The following ITFG2 variants were observed in gnomAD, a reference collection of about 807,000 sequenced individuals.
ITFG2 encodes integrin alpha FG-GAP repeat containing 2, also known as KICSTOR complex protein ITFG2.
In ITFG2, 36 loss-of-function variants were observed where a neutral mutation model predicts 54.4. The observed-to-expected ratio is 0.66, with a 90% CI of 0.51 to 0.87. The LOEUF is 0.87. Ranked by LOEUF, ITFG2 falls within the 40% of genes least tolerant of loss-of-function variation. The pLI is 0.00. For synonymous variants in ITFG2, 211 were observed against 225.4 expected (o/e 0.94, Z 0.57); for missense variants, 524 against 576.7 (o/e 0.91, Z 0.94).
At chr12:2,828,428 A>G (rs759539709), downstream of ITFG2, 4 of 1,607,406 alleles carry the variant, frequency 2.5e-6, no homozygotes, top group East Asian at 4.5e-5. Context: ...AGAAAGAAGA[A>G]TCGTGGTGAA....
intron 3 of ITFG2, chr12:2,859,164 C>T (rs1375493702): frequency 6.2e-7 from 1 of 1,607,514 alleles, no homozygotes; most frequent in Non-Finnish European, 8.5e-7. Context: ...CTGGGAGTAG[C>T]TGAGCTGGGA....
intron 2 of ITFG2, among the ~76,000 whole-genome samples, chr12:2,856,051 C>T (rs2098086291): frequency 6.6e-6 from 1 of 152,108 alleles, no homozygotes; most frequent in Non-Finnish European, 1.5e-5. Flanking sequence ...CCCTGCCCCC[C>T]ATTAAATAAA....
chr12:2,857,012 C>T (rs776798086), intron 2 of ITFG2: 1 of 702,840 alleles, frequency 1.4e-6, no homozygotes, highest in Non-Finnish European at 2.6e-6. Context: ...GTGATCTTTG[C>T]CGGTTACTGG....
intron 2 of ITFG2, chr12:2,830,811 C>T (rs2097997909): frequency 6.2e-7 from 1 of 1,613,766 alleles, no homozygotes; most frequent in Non-Finnish European, 8.5e-7. Flanking sequence ...CCCCTGAAGC[C>T]AATTCGGGTT....
chr12:2,841,192 A>C (rs936511044), intron 2 of ITFG2, among the ~76,000 whole-genome samples: 2 of 152,222 alleles, frequency 1.3e-5, no homozygotes, highest in African/African-American at 4.8e-5. Flanking sequence ...TAACTTGTCT[A>C]TACCACGAGC....
At chr12:2,830,198 G>T (rs558660127) in intron 2 of ITFG2, 1 of 152,366 alleles carries the variant, frequency 6.6e-6, no homozygotes, top group Admixed American at 6.5e-5. Flanking sequence ...TAACATCTGA[G>T]CTGGGCTTTT....
At chr12:2,825,971 C>T (rs2153925417), downstream of ITFG2, 2 of 152,180 alleles carry the variant, frequency 1.3e-5, no homozygotes, top group Admixed American at 1.3e-4. Flanking sequence ...GCCATATTAC[C>T]CAGGCTGGTC....
downstream of ITFG2, chr12:2,826,861 G>A (rs928712404): frequency 1.1e-4 from 53 of 496,354 alleles, no homozygotes; most frequent in African/African-American, 9.7e-4. Flanking sequence ...TGATGGACAA[G>A]GACAGCAGTC....
At chr12:2,817,672 TA>T (rs900358689) in intron 2 of ITFG2, 4 of 518,648 alleles carry the variant, frequency 7.7e-6, no homozygotes, top group African/African-American at 7.6e-5. Flanking sequence ...ACAGAGTTTC[TA>T]TTTTATTTTA....
At position 2,819,039 on chromosome 12, in the gene ITFG2, C is replaced by T. The variant is rs553403605; in HGVS notation, c.406+762C>T. Reference sequence around the variant, plus strand: ...AAAAAAAAAAGAAAATAAGTGCAGCCGACCACGGTGGTTCACGCCTGTAAT... The same window carrying T: ...AAAAAAAAAAGAAAATAAGTGCAGCTGACCACGGTGGTTCACGCCTGTAAT... On this transcript the variant is annotated intron_variant, in intron 4 of 11. Coordinates refer to ENST00000228799, the MANE Select transcript of ITFG2 (RefSeq NM_018463.4). Among the ~76,000 whole-genome samples, 19 of 151,728 alleles carry T rather than the reference C, an allele frequency of 1.3e-4. No individual in the cohort carries two copies. The East Asian group carries it at 2.4e-3, about 19-fold the overall frequency.
At chr12:2,853,770 C>T (rs905259967) in intron 2 of ITFG2, among the ~76,000 whole-genome samples, 2 of 152,132 alleles carry the variant, frequency 1.3e-5, no homozygotes, top group Non-Finnish European at 2.9e-5. Context: ...AGTTGGGAAG[C>T]ATCCGTGAGT....
At chr12:2,850,757 C>T (rs963714751) in intron 2 of ITFG2, among the ~76,000 whole-genome samples, 1 of 151,770 alleles carries the variant, frequency 6.6e-6, no homozygotes. Context: ...ACTGCAACCT[C>T]CATCTCCCAG....
chr12:2,840,919 A>G lies in ITFG2; in HGVS notation n.224A>G, dbSNP rs556340289. ...CAGAGTGGCTCTTTTAGAAGCGATG[A>G]CATTTACACATAGGTCACTATGGAG... On this transcript the variant is annotated non_coding_transcript_exon_variant, in exon 2 of 4. Transcript: ENST00000537710. 489 of 152,656 alleles carry G rather than the reference A, an allele frequency of 3.2e-3. 2 individuals are homozygous for G. The highest frequency in any genetic ancestry group is 5.5e-3 in the Non-Finnish European group (371 of 68,028). 9.5% of individuals were successfully genotyped at this position (152,656 alleles called of 1,614,324 possible).
intron 3 of ITFG2, chr12:2,858,687 AG>A: frequency 6.2e-7 from 1 of 1,614,196 alleles, no homozygotes; most frequent in East Asian, 2.2e-5. Flanking sequence ...GTCAGGGCCC[AG>A]TGGGTCCTCG....
chr12:2,823,361 A>G (rs908833282), intron 10 of ITFG2, among the ~76,000 whole-genome samples: 1 of 152,162 alleles, frequency 6.6e-6, no homozygotes, highest in South Asian at 2.1e-4. Flanking sequence ...GGGAGGCAGC[A>G]CTCACTCTCT....
intron 2 of ITFG2, 118 bp from the exon 3 acceptor site, chr12:2,817,791 C>G: frequency 1.1e-6 from 1 of 941,866 alleles, no homozygotes; most frequent in South Asian, 1.7e-5. Flanking sequence ...GTTCATATGG[C>G]GAAAGTCTTC....
intron 1 of ITFG2, among the ~76,000 whole-genome samples, chr12:2,816,842 A>G (rs2097923370): frequency 1.3e-5 from 2 of 148,186 alleles, no homozygotes; most frequent in Admixed American, 6.7e-5. Flanking sequence ...AGGTTTCACC[A>G]TGTTGGCTAG....
chr12:2,831,741 TTC>T (rs1013438266), downstream of ITFG2, among the ~76,000 whole-genome samples: 10 of 152,206 alleles, frequency 6.6e-5, no homozygotes, highest in East Asian at 1.9e-4. Flanking sequence ...CCTCCTTTCC[TTC>T]TCTCTCTTCT....
intron 2 of ITFG2, among the ~76,000 whole-genome samples, chr12:2,852,379 T>TC (rs398044249): frequency 6.6e-6 from 1 of 152,064 alleles, no homozygotes; most frequent in East Asian, 1.9e-4. Context: ...GTTTTTTTTT[T>TC]CTTTTGAGCT....
Sources: gnomAD v4.1 joint callset for allele counts (sites outside exome capture counted in the v4.1 genomes callset) on GRCh38, gnomAD v4.1.1 for gene constraint, MANE v1.5 for transcripts, NCBI Gene and HGNC (gene_info 2026-07-23, HGNC 2026-07-21) for gene names.